FMN1: variants seen among roughly 807,000 people sequenced by gnomAD.
The protein encoded by FMN1 is formin 1, also known as formin-1.
FMN1 carries 110 observed loss-of-function variants against 132.4 expected under a neutral mutation model. That is an observed-to-expected ratio of 0.83 (90% CI 0.71 to 0.97). FMN1 has a LOEUF of 0.97. Among genes scored for constraint, FMN1 ranks in the 50% least tolerant of loss-of-function variants. The pLI is 0.00. For missense variants in FMN1, 1,792 were observed against 1,705.3 expected (o/e 1.05, Z -0.90); for synonymous variants, 722 against 651.7 (o/e 1.11, Z -1.64).
At chr15:32,777,963 TTATTATA>T (rs751366448) in intron 19 of FMN1, among the ~76,000 whole-genome samples, 1 of 730 alleles carries the variant, frequency 1.4e-3, no homozygotes, top group African/African-American at 1.5e-3. Context: ...TATAATACAT[TTATTATA>T]TATTATGTAT....
intron 5 of FMN1, among the ~76,000 whole-genome samples, chr15:33,070,124 G>A (rs1191972846): frequency 1.4e-5 from 2 of 147,756 alleles, no homozygotes; most frequent in African/African-American, 5.0e-5. Flanking sequence ...TTCTGCCTCG[G>A]CCTCCTGAGT....
intron 16 of FMN1, among the ~76,000 whole-genome samples, chr15:32,867,968 C>G (rs1343916350): frequency 6.6e-6 from 1 of 152,158 alleles, no homozygotes; most frequent in Non-Finnish European, 1.5e-5. Flanking sequence ...CTAGTGAAAG[C>G]TGTTCCATGG....
chr15:32,920,357 G>C (rs934691327), intron 10 of FMN1, among the ~76,000 whole-genome samples: 3 of 152,132 alleles, frequency 2.0e-5, no homozygotes, highest in African/African-American at 7.2e-5. Flanking sequence ...TGGACCAAAT[G>C]CAAGTGCTTT....
intron 9 of FMN1, among the ~76,000 whole-genome samples, chr15:32,960,014 G>A (rs74582655): frequency 0.013 from 1,991 of 152,262 alleles, 33 homozygotes; most frequent in African/African-American, 0.046. Context: ...TTTTCCTTTT[G>A]CCATTCAGGT....
chr15:32,824,635 C>T (rs1161365688), intron 17 of FMN1, among the ~76,000 whole-genome samples: 2 of 152,162 alleles, frequency 1.3e-5, no homozygotes, highest in Non-Finnish European at 2.9e-5. Flanking sequence ...ACTCTGTCAC[C>T]TAGGCTGGAG....
chr15:32,845,867 T>C (rs975535353), intron 17 of FMN1, among the ~76,000 whole-genome samples: 1 of 152,160 alleles, frequency 6.6e-6, no homozygotes, highest in Non-Finnish European at 1.5e-5. Context: ...TAAAGCTTTA[T>C]AGTTTATATG....
chr15:32,921,416 T>A (rs1322768808), intron 10 of FMN1, among the ~76,000 whole-genome samples: 5 of 152,092 alleles, frequency 3.3e-5, no homozygotes, highest in Non-Finnish European at 7.4e-5. Context: ...AAATAAGAGA[T>A]CTATGTTTTG....
intron 11 of FMN1, among the ~76,000 whole-genome samples, chr15:32,908,813 C>G (rs1414708887): frequency 1.3e-5 from 2 of 152,022 alleles, no homozygotes; most frequent in Non-Finnish European, 2.9e-5. Flanking sequence ...GATGCATGCT[C>G]AAGTTTGAGA....
chr15:32,814,971 C>T, intron 17 of FMN1, among the ~76,000 whole-genome samples: 1 of 152,046 alleles, frequency 6.6e-6, no homozygotes, highest in South Asian at 2.1e-4. Context: ...GAGACAGAGT[C>T]TCGCTCTGTC....
intron 9 of FMN1, among the ~76,000 whole-genome samples, chr15:32,940,417 G>C (rs1374696942): frequency 7.1e-6 from 1 of 141,702 alleles, no homozygotes; most frequent in African/African-American, 2.7e-5. Flanking sequence ...GTGTGTGTGT[G>C]TGTGTGTGTG....
intron 16 of FMN1, among the ~76,000 whole-genome samples, chr15:32,886,746 C>T (rs2059906582): frequency 6.6e-6 from 1 of 152,166 alleles, no homozygotes; most frequent in Non-Finnish European, 1.5e-5. Context: ...ACAAGCTCCC[C>T]TGCCATTGCT....
Position 32,765,882 on chromosome 15 carries a change from T to C in FMN1, c.*8428A>G, listed in dbSNP as rs1422112956. ...TCTCTTTTTAAAAATAAATACTTCA[T>C]TTGGTTGCAAATGACATTTATAAAT... On this transcript the variant is annotated 3_prime_UTR_variant, in exon 21 of 21. Transcript: ENST00000616417. 1 of 152,338 alleles carries C rather than the reference T, an allele frequency of 6.6e-6. No individual in the cohort carries two copies. Among genetic ancestry groups the C allele is most frequent in the African/African-American group, 2.4e-5 (1 of 41,580 alleles). 9.4% of individuals were successfully genotyped at this position (152,338 alleles called of 1,614,324 possible).
At chr15:32,777,876 C>CATGT (rs1317893320) in intron 19 of FMN1, among the ~76,000 whole-genome samples, 60 of 2,674 alleles carry the variant, frequency 0.022, 10 homozygotes, top group African/African-American at 0.026. Context: ...ATATATAATA[C>CATGT]ATTATATATT....
chr15:32,781,270 T>C (rs2056654562), intron 19 of FMN1, among the ~76,000 whole-genome samples: 1 of 152,208 alleles, frequency 6.6e-6, no homozygotes, highest in Admixed American at 6.5e-5. Flanking sequence ...AATAAAAATA[T>C]CTTACTTAAT....
intron 4 of FMN1, among the ~76,000 whole-genome samples, chr15:33,116,766 T>G (rs984495743): frequency 6.6e-6 from 1 of 151,936 alleles, no homozygotes; most frequent in African/African-American, 2.4e-5. Context: ...TTTTTTTCCC[T>G]CATGAGAAAT....
intron 3 of FMN1, among the ~76,000 whole-genome samples, chr15:33,155,677 TTTG>T (rs1964643615): frequency 6.6e-6 from 1 of 152,198 alleles, no homozygotes; most frequent in Admixed American, 6.5e-5. Flanking sequence ...TTATTTATTT[TTTG>T]TTGTTGTATT....
chr15:32,854,586 G>A (rs1286527333), intron 17 of FMN1, among the ~76,000 whole-genome samples: 1 of 152,190 alleles, frequency 6.6e-6, no homozygotes. Flanking sequence ...AGGAGCTGAT[G>A]AGCTGATTGT....
chr15:32,844,094 A>AG (rs2058804901), intron 17 of FMN1, among the ~76,000 whole-genome samples: 1 of 152,224 alleles, frequency 6.6e-6, no homozygotes, highest in Admixed American at 6.5e-5. Context: ...CTCTAGCCTC[A>AG]GCTCACGACT....
chr15:33,001,439 T>TC (rs1269065504), intron 7 of FMN1, among the ~76,000 whole-genome samples: 2 of 152,212 alleles, frequency 1.3e-5, no homozygotes, highest in Non-Finnish European at 2.9e-5. Flanking sequence ...CATTCAAATC[T>TC]CCAGCGGGAG....
Sources: gnomAD v4.1 joint callset for allele counts (sites outside exome capture counted in the v4.1 genomes callset) on GRCh38, gnomAD v4.1.1 for gene constraint, MANE v1.5 for transcripts, NCBI Gene and HGNC (gene_info 2026-07-23, HGNC 2026-07-21) for gene names.